NXPH1: variants seen among roughly 807,000 people sequenced by gnomAD.
The protein encoded by NXPH1 is neurexophilin 1, also known as neurexophilin-1.
NXPH1 carries 5 observed loss-of-function variants against 23.7 expected under a neutral mutation model. The observed-to-expected ratio is 0.21, with a 90% CI of 0.11 to 0.44. The LOEUF (loss-of-function observed/expected upper bound fraction) is 0.44, where lower values mean the gene tolerates loss of function less well. Among genes scored for constraint, NXPH1 ranks in the 20% least tolerant of loss-of-function variants. NXPH1 has a pLI of 0.99. For synonymous variants in NXPH1, 144 were observed against 122.2 expected (o/e 1.18, Z -1.18); for missense variants, 324 against 321.6 (o/e 1.01, Z -0.06).
intron 2 of NXPH1, among the ~76,000 whole-genome samples, chr7:8,672,789 T>C (rs1820891700): frequency 6.6e-6 from 1 of 152,206 alleles, no homozygotes; most frequent in South Asian, 2.1e-4. Flanking sequence ...AGAAATTTTC[T>C]CCTTTCAAAC....
intron 2 of NXPH1, among the ~76,000 whole-genome samples, chr7:8,521,272 A>G (rs1817766805): frequency 6.6e-6 from 1 of 152,178 alleles, no homozygotes; most frequent in Admixed American, 6.5e-5. Flanking sequence ...GTCCCAGTCC[A>G]TTTGGGAAAT....
Position 8,478,650 on chromosome 7 carries a change from T to C in NXPH1, c.54+42883T>C, listed in dbSNP as rs960420889. On this transcript the variant is annotated intron_variant, in intron 2 of 2. Transcript: ENST00000405863. ...ACTGATTTGAAACTACATAGTGAAATATGTAGCTGAGAAAGTCCATCCAGA... is the reference window on the plus strand; with the variant it reads ...ACTGATTTGAAACTACATAGTGAAACATGTAGCTGAGAAAGTCCATCCAGA... 4.6e-5 allele frequency among the ~76,000 whole-genome samples: 7 copies of C among 152,118 alleles called. No individual in the cohort carries two copies. The East Asian group carries it at 1.2e-3, about 25-fold the overall frequency.
intron 2 of NXPH1, among the ~76,000 whole-genome samples, chr7:8,559,650 G>A (rs749899089): frequency 6.6e-6 from 1 of 151,664 alleles, no homozygotes; most frequent in Admixed American, 6.6e-5. Flanking sequence ...ATTCAGTGTT[G>A]ATAGAAGGCT....
At chr7:8,612,327 C>T (rs1397034198) in intron 2 of NXPH1, among the ~76,000 whole-genome samples, 1 of 151,210 alleles carries the variant, frequency 6.6e-6, no homozygotes, top group Non-Finnish European at 1.5e-5. Context: ...AATCAAGCAG[C>T]TCAGGGAATT....
chr7:8,537,663 C>G (rs893102821), intron 2 of NXPH1, among the ~76,000 whole-genome samples: 2 of 151,876 alleles, frequency 1.3e-5, no homozygotes, highest in African/African-American at 4.8e-5. Flanking sequence ...CCATATCAAG[C>G]ACTAAACTGG....
intron 2 of NXPH1, among the ~76,000 whole-genome samples, chr7:8,534,167 T>G (rs1208969747): frequency 6.6e-6 from 1 of 152,144 alleles, no homozygotes; most frequent in Non-Finnish European, 1.5e-5. Flanking sequence ...ACCATTCATG[T>G]ATTTGTTTAT....
intron 2 of NXPH1, among the ~76,000 whole-genome samples, chr7:8,707,021 T>C (rs1322927943): frequency 1.3e-5 from 2 of 152,176 alleles, no homozygotes; most frequent in Non-Finnish European, 2.9e-5. Context: ...GTAACAAAAT[T>C]GCACATGTGC....
At chr7:8,720,363 TCTCTA>T (rs140343571) in intron 2 of NXPH1, among the ~76,000 whole-genome samples, 2,811 of 152,302 alleles carry the variant, frequency 0.018, 89 homozygotes, top group African/African-American at 0.064. Flanking sequence ...GTCTTGCATT[TCTCTA>T]CTCTATCATT....
intron 2 of NXPH1, among the ~76,000 whole-genome samples, chr7:8,733,984 T>A (rs1350374148): frequency 6.6e-6 from 1 of 152,222 alleles, no homozygotes; most frequent in Non-Finnish European, 1.5e-5. Context: ...TGCCTAAGTA[T>A]TCCAGGGTTT....
chr7:8,751,396 C>T lies in NXPH1; in HGVS notation c.443C>T (p.Thr148Ile). ...TGKIVDHGNG[T>I]FSVYFRHNST... is the part of the protein sequence containing the mutation. ...AAAATTGTAGATCATGGCAATGGGA[C>T]ATTTAGTGTTTATTTCAGGCATAAT... The change falls in exon 3 of 3, where the codon ACA becomes ATA. Residue 148 changes from threonine (T) to isoleucine (I), a missense_variant. Transcript: ENST00000405863. This position sits in a 1 kb window ranked among gnomAD's most constrained non-coding sequence, Gnocchi z 4.5. 1 of 1,613,798 alleles carries T rather than the reference C, an allele frequency of 6.2e-7. No individual in the cohort carries two copies. The highest frequency in any genetic ancestry group is 8.5e-7 in the Non-Finnish European group (1 of 1,179,838).
intron 2 of NXPH1, among the ~76,000 whole-genome samples, chr7:8,523,084 A>G (rs995830813): frequency 3.3e-5 from 5 of 152,346 alleles, no homozygotes; most frequent in South Asian, 4.1e-4. Flanking sequence ...GATGTGTTTC[A>G]TGTCAGAAGA....
rs1482256178 is a variant in NXPH1, at chr7:8,752,833, C to T, written c.*1064C>T. 1.3e-5 allele frequency: 2 copies of T among 152,360 alleles called. No individual in the cohort carries two copies. Among genetic ancestry groups the T allele is most frequent in the Non-Finnish European group, 2.9e-5 (2 of 67,998 alleles). The allele number at this position is 152,360 out of a possible 1,614,324, so 9.4% of individuals were successfully genotyped here. A position where few individuals can be genotyped will look rare whatever the true frequency, so the allele number is the denominator to read the frequency against. On this transcript the variant is annotated 3_prime_UTR_variant, in exon 3 of 3. Coordinates refer to ENST00000405863, the MANE Select transcript of NXPH1 (RefSeq NM_152745.3). ...AAAAAGACAAACTTAATGTACAGAG[C>T]ATTTATTCAGATCAAGTATTGTTGA...
At chr7:8,637,033 C>T (rs1406310706) in intron 2 of NXPH1, among the ~76,000 whole-genome samples, 1 of 152,124 alleles carries the variant, frequency 6.6e-6, no homozygotes, top group African/African-American at 2.4e-5. Flanking sequence ...GTGCATGGTA[C>T]AAAAATCCTT....
chr7:8,694,306 C>G (rs1322485276), intron 2 of NXPH1, among the ~76,000 whole-genome samples: 1 of 152,156 alleles, frequency 6.6e-6, no homozygotes, highest in Non-Finnish European at 1.5e-5. Context: ...TCCCTTGACA[C>G]CCATGTCAGG....
At chr7:8,675,887 G>A (rs1331514596) in intron 2 of NXPH1, among the ~76,000 whole-genome samples, 2 of 151,996 alleles carry the variant, frequency 1.3e-5, no homozygotes, top group Non-Finnish European at 2.9e-5. Context: ...TGCTAATCAC[G>A]GACACCCATT....
chr7:8,505,587 G>A (rs1291135200), intron 2 of NXPH1, among the ~76,000 whole-genome samples: 2 of 151,920 alleles, frequency 1.3e-5, no homozygotes, highest in Non-Finnish European at 2.9e-5. Flanking sequence ...CTAAATCTAG[G>A]GGATATCAGA....
intron 2 of NXPH1, among the ~76,000 whole-genome samples, chr7:8,507,518 G>A (rs10252280): frequency 0.98 from 149,208 of 152,202 alleles, 73,165 homozygotes; most frequent in East Asian, 1. Context: ...ATTTCTTACC[G>A]CATATACATC....
intron 2 of NXPH1, among the ~76,000 whole-genome samples, chr7:8,503,410 C>A (rs1416986982): frequency 1.3e-5 from 2 of 151,994 alleles, no homozygotes; most frequent in African/African-American, 4.8e-5. Flanking sequence ...GATGCATGGT[C>A]AGTGTTATCT....
chr7:8,662,175 TA>T (rs1820686337), intron 2 of NXPH1, among the ~76,000 whole-genome samples: 1 of 70,300 alleles, frequency 1.4e-5, no homozygotes, highest in South Asian at 7.2e-4. Flanking sequence ...TGATTTTATA[TA>T]TATATATATA....
Sources: gnomAD v4.1 joint callset for allele counts (sites outside exome capture counted in the v4.1 genomes callset) on GRCh38, gnomAD v4.1.1 for gene constraint, Gnocchi (gnomAD v3.1) non-coding constraint, MANE v1.5 for transcripts, NCBI Gene and HGNC (gene_info 2026-07-23, HGNC 2026-07-21) for gene names.